SMOC1: variants seen among roughly 807,000 people sequenced by gnomAD.
SMOC1 encodes the protein SPARC-related modular calcium-binding protein 1.
SMOC1 carries 22 observed loss-of-function variants against 56.3 expected under a neutral mutation model. The ratio of observed to expected loss-of-function variants is 0.39; its 90% confidence interval spans 0.28 to 0.56. SMOC1 has a LOEUF of 0.56. Among genes scored for constraint, SMOC1 ranks in the 20% least tolerant of loss-of-function variants. The probability of loss-of-function intolerance (pLI) is 0.61; values close to 1 mark genes in which losing one functional copy is unlikely to be tolerated. For synonymous variants in SMOC1, 193 were observed against 215.0 expected (o/e 0.90, Z 0.89); for missense variants, 509 against 565.4 (o/e 0.90, Z 1.01).
chr14:70,005,628 A>G (rs1207579752), intron 7 of SMOC1, among the ~76,000 whole-genome samples: 1 of 152,026 alleles, frequency 6.6e-6, no homozygotes, highest in Non-Finnish European at 1.5e-5. Context: ...GTTTGCTTGG[A>G]TGTTTTTTCT....
At chr14:70,021,545 C>G (rs1457428541) in intron 10 of SMOC1, among the ~76,000 whole-genome samples, 1 of 152,202 alleles carries the variant, frequency 6.6e-6, no homozygotes, top group Non-Finnish European at 1.5e-5. Context: ...CTCCCTCACA[C>G]CTTCCGCCAG....
Position 70,010,841 on chromosome 14 carries a change from G to A in SMOC1, c.752G>A (p.Cys251Tyr). ...CGTGAGGGTATTGTCATCCCTGAAT[G>A]TGCCCCTGGGGGACTCTATAAGCCA... is the stretch of plus-strand genomic sequence containing the variant. ...NPREGIVIPE[C>Y]APGGLYKPVQ... Residue 251 changes from cysteine to tyrosine, a missense_variant, in exon 8 of 12, where the codon TGT (cysteine) becomes TAT (tyrosine). Physicochemically the swap from Cys to Tyr is radical, Grantham distance 194. Transcript: ENST00000361956. The A allele has an allele frequency of 1.2e-6, 2 of 1,614,220 alleles. No individual in the cohort carries two copies. Among genetic ancestry groups the A allele is most frequent in the Non-Finnish European group, 1.7e-6 (2 of 1,180,028 alleles).
rs185450158 is a variant in SMOC1 at position 69,892,134 on chromosome 14, A to G, written c.99+12357A>G. On this transcript the variant is annotated intron_variant, in intron 1 of 11. Coordinates refer to ENST00000361956, the MANE Select transcript of SMOC1 (RefSeq NM_001034852.3). ...TTTTACATGTTTATGTGGCTAATCT[A>G]TTGTTATGGTTTCTGTCTTTGGTGT... 3.7e-3 allele frequency among the ~76,000 whole-genome samples: 562 copies of G among 152,286 alleles called. 4 individuals are homozygous for G. The highest frequency in any genetic ancestry group is 5.1e-3 in the Non-Finnish European group (346 of 68,022).
chr14:69,932,353 C>T (rs1885188209), intron 1 of SMOC1, among the ~76,000 whole-genome samples: 1 of 152,218 alleles, frequency 6.6e-6, no homozygotes, highest in Admixed American at 6.5e-5. Flanking sequence ...TGAGCTTCCT[C>T]TGCTGCGCTG....
chr14:69,975,907 G>A (rs1250414430), intron 4 of SMOC1, 93 bp downstream of exon 4: 1 of 845,998 alleles, frequency 1.2e-6, no homozygotes, highest in African/African-American at 1.7e-5. Flanking sequence ...TTAGAAGGTT[G>A]ATGGTGGTGA....
chr14:69,923,877 C>T (rs1328448523), intron 1 of SMOC1, among the ~76,000 whole-genome samples: 2 of 152,214 alleles, frequency 1.3e-5, no homozygotes, highest in Non-Finnish European at 2.9e-5. Flanking sequence ...TGGCAATGTC[C>T]TGCCTTGGCC....
rs1455506717 is a variant in SMOC1 at position 70,023,361 on chromosome 14, G to A, written c.1205G>A (p.Arg402Gln). The change falls in exon 11 of 12, where the codon CGG (arginine) becomes CAG (glutamine). Residue 402 changes from arginine (R) to glutamine (Q), a missense_variant. Physicochemically the swap from Arg to Gln is conservative, Grantham distance 43 (BLOSUM62 1). Transcript: ENST00000361956. ...AAAGCCAAGCCCAAGAAATGTGCCC[G>A]GCGTTTCACCGACTACTGTGACCTG... ...KKKAKPKKCA[R>Q]RFTDYCDLNK... is the part of the protein sequence containing the mutation. The A allele has an allele frequency of 5.0e-6, 8 of 1,613,998 alleles. No individual in the cohort carries two copies. The highest frequency in any genetic ancestry group is 1.1e-5 in the South Asian group (1 of 91,070).
chr14:70,009,541 G>A (rs187953059), intron 7 of SMOC1, among the ~76,000 whole-genome samples: 41 of 152,262 alleles, frequency 2.7e-4, no homozygotes, highest in African/African-American at 9.4e-4. Flanking sequence ...CTTAAGAAGG[G>A]TATTTTTGTA....
intron 1 of SMOC1, chr14:69,885,562 T>C: frequency 4.4e-6 from 7 of 1,594,532 alleles, no homozygotes; most frequent in Non-Finnish European, 6.0e-6. Context: ...TCCTGTGGAC[T>C]AGACGTCCCA....
chr14:70,010,621 C>T, intron 7 of SMOC1, 133 bp from the exon 8 acceptor site: 1 of 925,910 alleles, frequency 1.1e-6, no homozygotes, highest in Non-Finnish European at 1.7e-6. Context: ...TGTGGTAATT[C>T]ATCAATGGGG....
chr14:69,907,154 T>A (rs1203543292), intron 1 of SMOC1, among the ~76,000 whole-genome samples: 1 of 152,160 alleles, frequency 6.6e-6, no homozygotes, highest in Non-Finnish European at 1.5e-5. Flanking sequence ...CCATGACTAT[T>A]TTAAGTTCTG....
intron 4 of SMOC1, among the ~76,000 whole-genome samples, chr14:69,976,604 A>AG (rs1883966700): frequency 6.6e-6 from 1 of 152,192 alleles, no homozygotes; most frequent in Admixed American, 6.5e-5. Context: ...ATTGTGGATT[A>AG]GGGATTTTTA....
At chr14:69,948,724 A>G (rs902768592) in intron 1 of SMOC1, among the ~76,000 whole-genome samples, 5 of 152,166 alleles carry the variant, frequency 3.3e-5, no homozygotes, top group African/African-American at 7.2e-5. Context: ...TTAAATTCCA[A>G]AGAAAGAAGA....
At chr14:69,892,050 C>T (rs1883976511) in intron 1 of SMOC1, among the ~76,000 whole-genome samples, 1 of 152,146 alleles carries the variant, frequency 6.6e-6, no homozygotes, top group African/African-American at 2.4e-5. Context: ...TCTGTCAAGT[C>T]TGGCAAATGC....
At chr14:69,969,340 A>C (rs1883677351) in intron 3 of SMOC1, among the ~76,000 whole-genome samples, 1 of 152,194 alleles carries the variant, frequency 6.6e-6, no homozygotes, top group South Asian at 2.1e-4. Context: ...CAGGCTGTAC[A>C]GGAAGCATGA....
chr14:69,915,653 T>C (rs986430112), intron 1 of SMOC1, among the ~76,000 whole-genome samples: 1 of 152,194 alleles, frequency 6.6e-6, no homozygotes, highest in Non-Finnish European at 1.5e-5. Context: ...CTCCATTACG[T>C]CCCTGAAACA....
chr14:69,933,502 TG>T (rs1885219406), intron 1 of SMOC1, among the ~76,000 whole-genome samples: 1 of 152,160 alleles, frequency 6.6e-6, no homozygotes, highest in African/African-American at 2.4e-5. Context: ...TAGAAAGAAA[TG>T]AGCTCACACA....
At chr14:69,899,234 G>A (rs749144796) in intron 1 of SMOC1, among the ~76,000 whole-genome samples, 42 of 152,308 alleles carry the variant, frequency 2.8e-4, no homozygotes, top group African/African-American at 7.7e-4. Flanking sequence ...CTCTTCTGCC[G>A]GAAGGGTTGG....
chr14:69,884,416 G>A (rs1055229946), intron 1 of SMOC1, among the ~76,000 whole-genome samples: 1 of 152,048 alleles, frequency 6.6e-6, no homozygotes, highest in African/African-American at 2.4e-5. Context: ...TCTTTACTTG[G>A]TTAATTGTTT....
Sources: gnomAD v4.1 joint callset for allele counts (sites outside exome capture counted in the v4.1 genomes callset) on GRCh38, gnomAD v4.1.1 for gene constraint, MANE v1.5 for transcripts, NCBI Gene and HGNC (gene_info 2026-07-23, HGNC 2026-07-21) for gene names.